The following ZFHX3 variants were observed in gnomAD, a reference collection of about 807,000 sequenced individuals.
ZFHX3 encodes the protein zinc finger homeobox 3, also known as zinc finger homeobox protein 3.
In ZFHX3, 42 loss-of-function variants were observed where a neutral mutation model predicts 279.1. That is an observed-to-expected ratio of 0.15 (90% confidence interval 0.12 to 0.19). The LOEUF (loss-of-function observed/expected upper bound fraction) is 0.19, where lower values mean the gene tolerates loss of function less well. Ranked by LOEUF, ZFHX3 falls within the 10% of genes least tolerant of loss-of-function variation. The pLI, the probability that ZFHX3 is intolerant of heterozygous loss-of-function variation, is 1.00. For synonymous variants in ZFHX3, 2,293 were observed against 1,957.8 expected (o/e 1.17, Z -4.52); for missense variants, 4,981 against 4,754.0 (o/e 1.05, Z -1.40).
chr16:73,558,535 G>A (rs544731525), intron 2 of ZFHX3: 3 of 152,186 alleles, frequency 2.0e-5, no homozygotes, highest in Admixed American at 6.5e-5. Context: ...CAAAGCAGAT[G>A]GGGGACAAGT....
At chr16:73,519,861 T>C (rs2019582725) in intron 2 of ZFHX3, among the ~76,000 whole-genome samples, 2 of 152,184 alleles carry the variant, frequency 1.3e-5, no homozygotes, top group South Asian at 4.1e-4. Flanking sequence ...CACAAACTAC[T>C]AGGAATTAAG....
At chr16:73,702,009 T>C (rs2053253087) in intron 1 of ZFHX3, among the ~76,000 whole-genome samples, 3 of 152,174 alleles carry the variant, frequency 2.0e-5, no homozygotes, top group Admixed American at 6.6e-5. Flanking sequence ...TGTTTTGTAC[T>C]GTGTGAAATG....
chr16:72,912,208 T>G (rs960771123), intron 3 of ZFHX3, among the ~76,000 whole-genome samples: 1 of 152,198 alleles, frequency 6.6e-6, no homozygotes, highest in Non-Finnish European at 1.5e-5. Flanking sequence ...GGGAGGTGCC[T>G]GCTCAGGTGC....
intron 8 of ZFHX3, among the ~76,000 whole-genome samples, chr16:73,072,482 A>G (rs961454641): frequency 1.3e-5 from 2 of 150,760 alleles, no homozygotes; most frequent in Admixed American, 6.6e-5. Flanking sequence ...AAAATATAGG[A>G]TCCTATTGGA....
At chr16:73,718,626 AT>A (rs2053441592) in intron 1 of ZFHX3, among the ~76,000 whole-genome samples, 1 of 60,500 alleles carries the variant, frequency 1.7e-5, no homozygotes, top group Non-Finnish European at 3.6e-5. Context: ...TTATTTATTT[AT>A]TTTTTTAAGA....
At chr16:73,785,434 T>G (rs572115845) in intron 1 of ZFHX3, among the ~76,000 whole-genome samples, 1 of 152,160 alleles carries the variant, frequency 6.6e-6, no homozygotes, top group Non-Finnish European at 1.5e-5. Context: ...CAGAGATATC[T>G]AGAGCTCTAG....
At chr16:73,601,105 G>A (rs749187801) in intron 2 of ZFHX3, among the ~76,000 whole-genome samples, 110 of 151,980 alleles carry the variant, frequency 7.2e-4, no homozygotes, top group Non-Finnish European at 1.2e-3. Flanking sequence ...TCCTGATAAT[G>A]AAGCATATAC....
chr16:73,844,705 A>G (rs1377749728), intron 1 of ZFHX3, among the ~76,000 whole-genome samples: 1 of 151,868 alleles, frequency 6.6e-6, no homozygotes, highest in East Asian at 1.9e-4. Context: ...GAGAGATCAG[A>G]TAAGTTAGGC....
chr16:73,226,559 C>G (rs2012597997), intron 5 of ZFHX3, among the ~76,000 whole-genome samples: 1 of 152,230 alleles, frequency 6.6e-6, no homozygotes, highest in South Asian at 2.1e-4. Flanking sequence ...CTTGGCCTGT[C>G]TCATGGGATG....
intron 7 of ZFHX3, among the ~76,000 whole-genome samples, chr16:72,804,723 G>T (rs2036209738): frequency 6.6e-6 from 1 of 152,260 alleles, no homozygotes; most frequent in South Asian, 2.1e-4. Flanking sequence ...AGGGGCTGCT[G>T]AAATATATAA....
At chr16:73,751,743 C>A (rs1005090508) in intron 1 of ZFHX3, among the ~76,000 whole-genome samples, 1 of 152,168 alleles carries the variant, frequency 6.6e-6, no homozygotes, top group Non-Finnish European at 1.5e-5. Flanking sequence ...AGAGCTCTAT[C>A]TTCCTGCTTC....
At chr16:73,416,133 A>C (rs1030659441) in intron 3 of ZFHX3, among the ~76,000 whole-genome samples, 17 of 151,336 alleles carry the variant, frequency 1.1e-4, no homozygotes, top group East Asian at 5.8e-4. Context: ...AAAAAAAAAA[A>C]AAAAACAAAA....
chr16:73,320,063 AAAG>A (rs1473479861), intron 3 of ZFHX3, among the ~76,000 whole-genome samples: 8 of 152,148 alleles, frequency 5.3e-5, no homozygotes, highest in Non-Finnish European at 1.2e-4. Context: ...ATGAGGGAGA[AAAG>A]GAGGAGGAGG....
intron 5 of ZFHX3, among the ~76,000 whole-genome samples, chr16:73,207,691 T>C (rs917660337): frequency 6.6e-6 from 1 of 151,958 alleles, no homozygotes; most frequent in Non-Finnish European, 1.5e-5. Context: ...ATCAGAATCA[T>C]GCAAATTAAA....
chr16:73,351,056 G>A (rs1007033218), intron 3 of ZFHX3, among the ~76,000 whole-genome samples: 4 of 152,158 alleles, frequency 2.6e-5, no homozygotes, highest in African/African-American at 7.2e-5. Context: ...GGCATTTGGC[G>A]TTAACTGTCC....
chr16:73,538,264 C>G lies in ZFHX3; in HGVS notation c.-1546-82006G>C, dbSNP rs960822377. The stretch of plus-strand genomic sequence containing the variant: ...AGACTTCATGTCACCAGTTTTTCAT[C>G]TTAGGCCCTCTTCTGTTTCCTCTGC... On this transcript the variant is annotated intron_variant, in intron 2 of 17. Coordinates refer to the ZFHX3 transcript ENST00000641206. Among the ~76,000 whole-genome samples the G allele has an allele frequency of 7.2e-5, 11 of 152,096 alleles. 1 individual carries two copies. The highest frequency in any genetic ancestry group is 4.6e-4 in the Admixed American group (7 of 15,274).
intron 4 of ZFHX3, among the ~76,000 whole-genome samples, chr16:73,310,093 G>C (rs2015290580): frequency 6.6e-6 from 1 of 151,926 alleles, no homozygotes; most frequent in Non-Finnish European, 1.5e-5. Flanking sequence ...ATTTTTAGTA[G>C]AGACAGGGTT....
chr16:73,310,757 A>G (rs1005440620), intron 4 of ZFHX3, among the ~76,000 whole-genome samples: 9 of 152,210 alleles, frequency 5.9e-5, no homozygotes, highest in Admixed American at 1.3e-4. Context: ...TCTAACAATA[A>G]AAGAATCGTT....
intron 2 of ZFHX3, among the ~76,000 whole-genome samples, chr16:73,574,659 C>T (rs562189436): frequency 6.6e-5 from 10 of 152,134 alleles, no homozygotes; most frequent in Non-Finnish European, 1.3e-4. Flanking sequence ...TCCTGTCATC[C>T]CTCTGCATGG....
Sources: gnomAD v4.1 joint callset for allele counts (sites outside exome capture counted in the v4.1 genomes callset) on GRCh38, gnomAD v4.1.1 for gene constraint, MANE v1.5 for transcripts, NCBI Gene and HGNC (gene_info 2026-07-23, HGNC 2026-07-21) for gene names.